PSMD1: variants seen among roughly 807,000 people sequenced by gnomAD.
PSMD1 encodes the protein proteasome 26S subunit, non-ATPase 1.
Under a neutral mutation model 119.0 loss-of-function variants are expected in PSMD1, and 18 were observed. That is an observed-to-expected ratio of 0.15 (90% CI 0.10 to 0.22). PSMD1 has a LOEUF of 0.22. Among genes scored for constraint, PSMD1 ranks in the 10% least tolerant of loss-of-function variants. The pLI, the probability that PSMD1 is intolerant of heterozygous loss-of-function variation, is 1.00. For synonymous variants in PSMD1, 374 were observed against 396.6 expected, an observed-to-expected ratio of 0.94 and a Z score of 0.68; for missense variants, 702 against 1,158.5, an observed-to-expected ratio of 0.61 and a Z score of 5.72.
intron 8 of PSMD1, 141 bp downstream of exon 8, chr2:231,075,712 T>C (rs2125165571): frequency 1.5e-6 from 1 of 675,776 alleles, no homozygotes; most frequent in Non-Finnish European, 2.5e-6. Flanking sequence ...CCCAAGTAAA[T>C]GGCTGGGATT....
At chr2:231,139,769 C>T (rs1274681732) in intron 17 of PSMD1, among the ~76,000 whole-genome samples, 1 of 152,098 alleles carries the variant, frequency 6.6e-6, no homozygotes, top group Non-Finnish European at 1.5e-5. Flanking sequence ...TGCTATTTAC[C>T]TGTTTTCTCA....
intron 3 of PSMD1, 77 bp from the exon 4 acceptor site, chr2:231,062,429 G>A (rs1693782248): frequency 1.3e-6 from 2 of 1,546,526 alleles, no homozygotes; most frequent in Non-Finnish European, 1.8e-6. Context: ...ACTGAATTGT[G>A]GCTTGAATAT....
chr2:231,087,419 T>G (rs1383807504), intron 16 of PSMD1, among the ~76,000 whole-genome samples: 1 of 152,220 alleles, frequency 6.6e-6, no homozygotes, highest in East Asian at 1.9e-4. Flanking sequence ...TCTGTTCATT[T>G]TTTGGTAGCA....
intron 4 of PSMD1, among the ~76,000 whole-genome samples, chr2:231,064,761 G>T (rs925902066): frequency 6.6e-6 from 1 of 152,128 alleles, no homozygotes; most frequent in Non-Finnish European, 1.5e-5. Flanking sequence ...CACCTCCCTG[G>T]TTCAAGTGAT....
chr2:231,132,541 C>G (rs1695877883), intron 16 of PSMD1, among the ~76,000 whole-genome samples: 1 of 152,176 alleles, frequency 6.6e-6, no homozygotes, highest in Non-Finnish European at 1.5e-5. Flanking sequence ...TGATCCAAAG[C>G]CAGTTTCTGG....
intron 16 of PSMD1, among the ~76,000 whole-genome samples, chr2:231,106,371 C>T (rs1694974697): frequency 1.3e-5 from 2 of 152,202 alleles, no homozygotes; most frequent in Admixed American, 1.3e-4. Context: ...GTAATCCCAG[C>T]ACTTTGGGAG....
rs369715680 is a variant in PSMD1 at position 231,070,210 on chromosome 2, G to A, written c.654+42G>A. 911 of 1,431,048 alleles carry A rather than the reference G, an allele frequency of 6.4e-4. 2 individuals are homozygous for A. The highest frequency in any genetic ancestry group is 7.9e-4 in the Non-Finnish European group (861 of 1,083,790). 88.6% of individuals were successfully genotyped at this position (1,431,048 alleles called of 1,614,324 possible). On this transcript the variant is annotated intron_variant, in intron 6 of 24. Transcript: ENST00000308696. ...ATGTTTCATTACATTGCTCCACGCTGTACTGTGCTATGCTATACCACTTCA... is the reference window on the plus strand; with the variant it reads ...ATGTTTCATTACATTGCTCCACGCTATACTGTGCTATGCTATACCACTTCA...
At chr2:231,168,297 G>A (rs1053249073) in intron 23 of PSMD1, among the ~76,000 whole-genome samples, 10 of 152,066 alleles carry the variant, frequency 6.6e-5, no homozygotes, top group Admixed American at 5.9e-4. Flanking sequence ...CATATGACCC[G>A]GCAATTCCAT....
chr2:231,098,716 A>T (rs189353210), intron 16 of PSMD1, among the ~76,000 whole-genome samples: 3 of 152,288 alleles, frequency 2.0e-5, no homozygotes, highest in Admixed American at 6.5e-5. Context: ...CCCAAGATGG[A>T]CATTAACTCG....
At chr2:231,109,099 T>C (rs746711881) in intron 16 of PSMD1, 7 of 1,614,076 alleles carry the variant, frequency 4.3e-6, no homozygotes, top group Non-Finnish European at 5.9e-6. Context: ...CCTTGTCCTT[T>C]CGAGAACCAT....
intron 16 of PSMD1, among the ~76,000 whole-genome samples, chr2:231,105,135 G>T (rs1036841484): frequency 6.6e-6 from 1 of 152,086 alleles, no homozygotes; most frequent in Non-Finnish European, 1.5e-5. Context: ...TCTTAGGATA[G>T]TCCAGGGTGT....
intron 16 of PSMD1, among the ~76,000 whole-genome samples, chr2:231,134,148 T>G (rs558307411): frequency 1.3e-4 from 20 of 152,346 alleles, no homozygotes; most frequent in African/African-American, 4.8e-4. Context: ...TATTATACCT[T>G]ATGATGAACC....
intron 7 of PSMD1, among the ~76,000 whole-genome samples, chr2:231,073,948 T>A (rs936144504): frequency 6.6e-6 from 1 of 152,108 alleles, no homozygotes; most frequent in African/African-American, 2.4e-5. Context: ...GGCATCTTGG[T>A]CATCTGCAGT....
intron 18 of PSMD1, among the ~76,000 whole-genome samples, chr2:231,148,036 T>C (rs549869027): frequency 1.3e-5 from 2 of 152,344 alleles, no homozygotes; most frequent in South Asian, 4.1e-4. Flanking sequence ...AAAAATTGTA[T>C]TATTACAAAG....
chr2:231,124,161 T>C lies in PSMD1; in HGVS notation c.1884-14575T>C, dbSNP rs777634745. Reference sequence around the variant, plus strand: ...TACAAAATACATAGACTGCATTATTTTATTCATTTCTGAAAGTGGTAAAAA... The same window carrying C: ...TACAAAATACATAGACTGCATTATTCTATTCATTTCTGAAAGTGGTAAAAA... On this transcript the variant is annotated intron_variant, in intron 16 of 24. Transcript: ENST00000308696. 8.2e-5 allele frequency: 16 copies of C among 196,118 alleles called. 1 individual carries two copies. The South Asian group carries it at 1.5e-3, about 18-fold the overall frequency. The allele number at this position is 196,118 out of a possible 1,614,324, so 12.1% of individuals were successfully genotyped here. A position where few individuals can be genotyped will look rare whatever the true frequency, so the allele number is the denominator to read the frequency against.
intron 5 of PSMD1, 112 bp from the exon 6 acceptor site, chr2:231,069,913 T>C: frequency 1.1e-6 from 1 of 877,740 alleles, no homozygotes. Context: ...GAGGTCTAAA[T>C]AATTGGCTTC....
At chr2:231,057,681 A>T (rs1693637934) in intron 1 of PSMD1, among the ~76,000 whole-genome samples, 1 of 152,268 alleles carries the variant, frequency 6.6e-6, no homozygotes, top group African/African-American at 2.4e-5. Flanking sequence ...TTATGTGCTC[A>T]GTCTGTTGAC....
chr2:231,161,643 G>A, intron 20 of PSMD1, 134 bp downstream of exon 20: 1 of 1,020,812 alleles, frequency 9.8e-7, no homozygotes, highest in Non-Finnish European at 1.4e-6. Context: ...TTCCCTTCAA[G>A]TTGAATCGTC....
At chr2:231,108,966 AG>A in intron 16 of PSMD1, 1 of 1,614,208 alleles carries the variant, frequency 6.2e-7, no homozygotes, top group Non-Finnish European at 8.5e-7. Flanking sequence ...ATAAGCAAAA[AG>A]AGGAAAAACA....
Sources: gnomAD v4.1 joint callset for allele counts (sites outside exome capture counted in the v4.1 genomes callset) on GRCh38, gnomAD v4.1.1 for gene constraint, MANE v1.5 for transcripts, NCBI Gene and HGNC (gene_info 2026-07-23, HGNC 2026-07-21) for gene names.